LPL: variants seen among roughly 807,000 people sequenced by gnomAD.
The protein encoded by LPL is phospholipase A1.
Under a neutral mutation model 52.2 loss-of-function variants are expected in LPL, and 43 were observed. That is an observed-to-expected ratio of 0.82 (90% CI 0.64 to 1.06). The LOEUF is 1.06. Among genes scored for constraint, LPL ranks in the 50% least tolerant of loss-of-function variants. The pLI is 0.00. For missense variants in LPL, 639 were observed against 585.3 expected (o/e 1.09, Z -0.95); for synonymous variants, 244 against 215.6 (o/e 1.13, Z -1.15).
At position 19,950,946 on chromosome 8, in the gene LPL, A is replaced by G. The variant is rs1033312484; in HGVS notation, c.250-823A>G. Among the ~76,000 whole-genome samples, 2,271 of 124,902 alleles carry G rather than the reference A, an allele frequency of 0.018. 38 individuals are homozygous for G. Among genetic ancestry groups the G allele is most frequent in the Non-Finnish European group, 0.029 (1,609 of 55,806 alleles). 81.9% of individuals were successfully genotyped at this position (124,902 alleles called of 152,430 possible). On this transcript the variant is annotated intron_variant, in intron 2 of 9. Coordinates refer to ENST00000650287, the MANE Select transcript of LPL (RefSeq NM_000237.3). The surrounding 1 kb of genome is among the most constrained non-coding windows in gnomAD (Gnocchi z 4.2). ...GGAAGGAAGGAAGGGAGGGAGGAAG[A>G]AAGGAAGGAAGAACAAAGAAAAGAG... is the stretch of plus-strand genomic sequence containing the variant.
Position 19,960,985 on chromosome 8 carries a change from A to G in LPL, c.1224A>G (p.Lys408=). The part of the protein sequence containing the change: ...DIGELLMLKL[K]WKSDSYFSWS... The stretch of plus-strand genomic sequence containing the variant: ...GAGAACTACTCATGTTGAAGCTCAA[A>G]TGGAAGAGTGATTCATACTTTAGCT... The change falls in exon 8 of 10, where the codon AAA becomes AAG. Residue 408 remains lysine (K), a synonymous_variant. Coordinates refer to ENST00000650287, the MANE Select transcript of LPL (RefSeq NM_000237.3). 6.2e-7 allele frequency: 1 copy of G among 1,614,070 alleles called. No individual in the cohort carries two copies. Among genetic ancestry groups the G allele is most frequent in the Non-Finnish European group, 8.5e-7 (1 of 1,179,922 alleles).
In LPL at chr8:19,939,879, C is replaced by T. The variant is rs1273652680; in HGVS notation, c.88+351C>T. Among the ~76,000 whole-genome samples the T allele has an allele frequency of 6.6e-6, 1 of 152,168 alleles. No individual in the cohort carries two copies. Among genetic ancestry groups the T allele is most frequent in the Non-Finnish European group, 1.5e-5 (1 of 68,018 alleles). On this transcript the variant is annotated intron_variant, in intron 1 of 9. Coordinates refer to ENST00000650287, the MANE Select transcript of LPL (RefSeq NM_000237.3). This position sits in a 1 kb window ranked among gnomAD's most constrained non-coding sequence, Gnocchi z 4.0. Reference sequence around the variant, plus strand: ...ACGGCGGAGGCGGGGAGTAAGGGCCCGGCTGGCGGTGACCTGCAGTCACCT... The same window carrying T: ...ACGGCGGAGGCGGGGAGTAAGGGCCTGGCTGGCGGTGACCTGCAGTCACCT...
chr8:19,965,199 C>G, intron 9 of LPL, 111 bp from the exon 10 acceptor site: 1 of 743,422 alleles, frequency 1.3e-6, no homozygotes, highest in South Asian at 1.5e-5. Context: ...AACCTTTGTT[C>G]TGAAATTCCA....
In LPL at chr8:19,962,210, A is replaced by G; in HGVS notation, c.1418A>G (p.Lys473Arg). 6.2e-7 allele frequency: 1 copy of G among 1,613,598 alleles called. No individual in the cohort carries two copies. ...VKCHDKSLNK[K>R]SG ...TGCCATGACAAGTCTCTGAATAAGA[A>G]GTCAGGCTGGTGAGCATTCTGGGCT... The change falls in exon 9 of 10, where the codon AAG becomes AGG. Residue 473 changes from lysine to arginine, a missense_variant. By Grantham distance (26) the Lys-to-Arg change is conservative (BLOSUM62 2). Coordinates refer to ENST00000650287, the MANE Select transcript of LPL (RefSeq NM_000237.3).
At chr8:19,955,814 C>G (rs1403314234) in intron 5 of LPL, 27 bp from the exon 6 acceptor site, 1 of 1,614,094 alleles carries the variant, frequency 6.2e-7, no homozygotes. Context: ...TGCCGAGATA[C>G]AATCTTGGTG....
chr8:19,966,981 T>C lies in LPL; in HGVS notation c.*1671T>C, dbSNP rs13702. ...GGAACTCTGGCTCCGAAAAACTTTG[T>C]TATATATATCAAGGATGTTCTGGCT... On this transcript the variant is annotated 3_prime_UTR_variant, in exon 10 of 10. Transcript: ENST00000650287. The C allele has an allele frequency of 0.35, 53,560 of 152,466 alleles. 10,325 individuals are homozygous for C. Among genetic ancestry groups the C allele is most frequent in the African/African-American group, 0.51 (21,258 of 41,436 alleles). The allele number at this position is 152,466 out of a possible 1,614,324, so 9.4% of individuals were successfully genotyped here. A position where few individuals can be genotyped will look rare whatever the true frequency, so the allele number is the denominator to read the frequency against.
At chr8:19,953,740 G>A (rs2069957723) in intron 4 of LPL, among the ~76,000 whole-genome samples, 1 of 152,234 alleles carries the variant, frequency 6.6e-6, no homozygotes, top group South Asian at 2.1e-4. Context: ...TCAGTACTAG[G>A]AGAAAAGAAG....
chr8:19,946,023 G>A (rs1051772883), intron 1 of LPL, among the ~76,000 whole-genome samples: 2 of 152,172 alleles, frequency 1.3e-5, no homozygotes, highest in Non-Finnish European at 2.9e-5. Flanking sequence ...GGCAGAATTA[G>A]ATTAAAAGTA....
intron 9 of LPL, among the ~76,000 whole-genome samples, chr8:19,963,676 C>T (rs1491004307): frequency 2.6e-5 from 4 of 151,862 alleles, no homozygotes; most frequent in Admixed American, 1.3e-4. Flanking sequence ...ATATGTTTTT[C>T]GTCCTTTACA....
chr8:19,963,256 C>T (rs1356482571), intron 9 of LPL, among the ~76,000 whole-genome samples: 1 of 152,046 alleles, frequency 6.6e-6, no homozygotes, highest in Non-Finnish European at 1.5e-5. Context: ...GCCAACGTGG[C>T]GAAACCACCT....
intron 2 of LPL, 98 bp downstream of exon 2, chr8:19,948,438 C>A: frequency 1.5e-6 from 2 of 1,352,542 alleles, no homozygotes; most frequent in South Asian, 1.3e-5. Context: ...CCGCACCCCA[C>A]ATCTCACGTG....
rs888949921 is a variant in LPL, at chr8:19,950,600, G to C, written c.250-1169G>C. On this transcript the variant is annotated intron_variant, in intron 2 of 9. Coordinates refer to ENST00000650287, the MANE Select transcript of LPL (RefSeq NM_000237.3). The surrounding 1 kb of genome is among the most constrained non-coding windows in gnomAD (Gnocchi z 4.2). ...AGATCACTGGAGGTCAGGAGTTTGA[G>C]ACCAACCTGGCCAACATGGGGAAAC... is the stretch of plus-strand genomic sequence containing the variant. Among the ~76,000 whole-genome samples, 2 of 152,158 alleles carry C rather than the reference G, an allele frequency of 1.3e-5. No homozygotes were observed. Among genetic ancestry groups the C allele is most frequent in the African/African-American group, 4.8e-5 (2 of 41,438 alleles).
At chr8:19,947,492 G>C (rs1183342284) in intron 1 of LPL, among the ~76,000 whole-genome samples, 1 of 152,110 alleles carries the variant, frequency 6.6e-6, no homozygotes, top group African/African-American at 2.4e-5. Context: ...ATACAAGTTA[G>C]CCTGGCGTGG....
chr8:19,948,128 A>G, intron 1 of LPL, 52 bp from the exon 2 acceptor site: 1 of 1,572,478 alleles, frequency 6.4e-7, no homozygotes, highest in Non-Finnish European at 8.8e-7. Context: ...ATTCCAATGA[A>G]TAAAATCAAG....
At chr8:19,949,891 G>C (rs1361779865) in intron 2 of LPL, among the ~76,000 whole-genome samples, 1 of 152,236 alleles carries the variant, frequency 6.6e-6, no homozygotes. Flanking sequence ...GAAATAAATT[G>C]AGTATCTCAG....
chr8:19,956,396 C>T (rs1054400144), intron 6 of LPL, among the ~76,000 whole-genome samples: 2 of 152,232 alleles, frequency 1.3e-5, no homozygotes, highest in African/African-American at 2.4e-5. Flanking sequence ...GAACCATCCA[C>T]CTCGGGTCAA....
intron 9 of LPL, among the ~76,000 whole-genome samples, chr8:19,964,948 T>TC (rs33942567): frequency 0.038 from 5,716 of 152,316 alleles, 355 homozygotes; most frequent in African/African-American, 0.13. Flanking sequence ...AGATTCTCTT[T>TC]CTCACACCTT....
At chr8:19,953,201 G>A (rs1254350299) in intron 3 of LPL, 109 bp from the exon 4 acceptor site, 2 of 711,104 alleles carry the variant, frequency 2.8e-6, no homozygotes, top group African/African-American at 3.5e-5. Context: ...AGTAGAATTA[G>A]TTTTCAGTAT....
chr8:19,943,526 A>G (rs2069858154), intron 1 of LPL, among the ~76,000 whole-genome samples: 1 of 152,234 alleles, frequency 6.6e-6, no homozygotes, highest in Non-Finnish European at 1.5e-5. Flanking sequence ...TCATTGTGTT[A>G]GTTTGAGACA....
Sources: gnomAD v4.1 joint callset for allele counts (sites outside exome capture counted in the v4.1 genomes callset) on GRCh38, gnomAD v4.1.1 for gene constraint, Gnocchi (gnomAD v3.1) non-coding constraint, MANE v1.5 for transcripts, NCBI Gene and HGNC (gene_info 2026-07-23, HGNC 2026-07-21) for gene names.